CEP63: variants seen among roughly 807,000 people sequenced by gnomAD.
CEP63 encodes centrosomal protein of 63 kDa.
A neutral mutation model predicts 89.1 loss-of-function variants in CEP63; 84 were observed. That is an observed-to-expected ratio of 0.94 (90% CI 0.79 to 1.13). The LOEUF (loss-of-function observed/expected upper bound fraction) is 1.13, where lower values mean the gene tolerates loss of function less well. Among genes scored for constraint, CEP63 ranks in the 50% most tolerant of loss-of-function variants. The probability of loss-of-function intolerance (pLI) is 0.00; values close to 1 mark genes in which losing one functional copy is unlikely to be tolerated. For missense variants in CEP63, 838 were observed against 813.3 expected (o/e 1.03, Z -0.37); for synonymous variants, 267 against 272.5 (o/e 0.98, Z 0.20).
chr3:134,617,609 T>A, the CEP63 span, among the ~76,000 whole-genome samples: 3 of 152,260 alleles, frequency 2.0e-5, no homozygotes, highest in Non-Finnish European at 2.9e-5. Flanking sequence ...AATTTCTTTT[T>A]TGCTTTAGTG....
chr3:134,693,199 A>G, the CEP63 span, among the ~76,000 whole-genome samples: 2 of 152,172 alleles, frequency 1.3e-5, no homozygotes. Context: ...TGGGGCTCCT[A>G]GGGAAGCTCA....
chr3:134,660,112 A>G, the CEP63 span, among the ~76,000 whole-genome samples: 1 of 152,264 alleles, frequency 6.6e-6, no homozygotes, highest in African/African-American at 2.4e-5. Flanking sequence ...CTCTCTTTCC[A>G]TAATTCACAG....
the CEP63 span, among the ~76,000 whole-genome samples, chr3:134,752,528 C>T: frequency 1.1e-4 from 17 of 152,270 alleles, no homozygotes; most frequent in African/African-American, 3.9e-4. Context: ...GCCAACTCCT[C>T]CTGCAGGAAA....
the CEP63 span, among the ~76,000 whole-genome samples, chr3:134,667,990 C>T: frequency 1.3e-5 from 2 of 152,224 alleles, no homozygotes; most frequent in Non-Finnish European, 2.9e-5. Context: ...CAATGGAACA[C>T]TCACAGGTCT....
the CEP63 span, chr3:134,608,870 G>T: frequency 1.3e-6 from 2 of 1,583,746 alleles, no homozygotes; most frequent in Non-Finnish European, 1.7e-6. Context: ...TTAGCAGCCA[G>T]CTCCATGCAG....
chr3:134,694,514 G>A, the CEP63 span, among the ~76,000 whole-genome samples: 9 of 152,204 alleles, frequency 5.9e-5, no homozygotes, highest in South Asian at 2.1e-4. Context: ...GTTTGTCTGT[G>A]CCTGTTTGTC....
At chr3:134,604,458 C>G in the CEP63 span, 3 of 1,605,964 alleles carry the variant, frequency 1.9e-6, no homozygotes, top group Non-Finnish European at 2.6e-6. Context: ...CAATGGTGAC[C>G]GTGGCCTTCC....
At chr3:134,725,834 G>A in the CEP63 span, among the ~76,000 whole-genome samples, 1 of 152,166 alleles carries the variant, frequency 6.6e-6, no homozygotes, top group East Asian at 1.9e-4. Context: ...ACCCTGAACA[G>A]TGGTGGCCAA....
chr3:134,738,978 A>AC, the CEP63 span, among the ~76,000 whole-genome samples: 1 of 151,748 alleles, frequency 6.6e-6, no homozygotes, highest in Non-Finnish European at 1.5e-5. Context: ...AAAAAAAAAA[A>AC]AACCCAGATA....
the CEP63 span, chr3:134,643,281 G>C: frequency 6.2e-7 from 1 of 1,604,892 alleles, no homozygotes; most frequent in Non-Finnish European, 8.5e-7. Context: ...GCACACCTCT[G>C]CAGGGGAGGT....
chr3:134,776,671 A>G, the CEP63 span, among the ~76,000 whole-genome samples: 1 of 152,192 alleles, frequency 6.6e-6, no homozygotes, highest in Admixed American at 6.5e-5. Context: ...CTGAGCCTGA[A>G]GTCATGATGA....
At chr3:134,629,407 T>C in the CEP63 span, 12 of 547,640 alleles carry the variant, frequency 2.2e-5, no homozygotes, top group East Asian at 5.7e-5. Flanking sequence ...GTGTTACCTA[T>C]GACTAGTTCC....
At chr3:134,590,204 A>G (rs1560083815), downstream of CEP63, among the ~76,000 whole-genome samples, 1 of 152,184 alleles carries the variant, frequency 6.6e-6, no homozygotes, top group African/African-American at 2.4e-5. Flanking sequence ...ATTTACCTAC[A>G]TAAAAAACCT....
At chr3:134,612,017 A>C in the CEP63 span, among the ~76,000 whole-genome samples, 1 of 152,242 alleles carries the variant, frequency 6.6e-6, no homozygotes, top group Non-Finnish European at 1.5e-5. Context: ...CCCAGCCATC[A>C]GTGTTTCTTC....
intron 6 of CEP63, among the ~76,000 whole-genome samples, chr3:134,545,149 G>A (rs7372770): frequency 0.63 from 96,175 of 151,712 alleles, 31,198 homozygotes; most frequent in East Asian, 0.81. Context: ...ACAGGCACGC[G>A]CCACCACGCC....
At chr3:134,546,450 C>T (rs548108649) in intron 8 of CEP63, among the ~76,000 whole-genome samples, 162 bp downstream of exon 8, 5 of 152,270 alleles carry the variant, frequency 3.3e-5, no homozygotes, top group South Asian at 2.1e-4. Flanking sequence ...CCTCAACCTC[C>T]GAGGTTCAAG....
the CEP63 span, chr3:134,625,202 T>C: frequency 1.6e-6 from 2 of 1,279,152 alleles, no homozygotes; most frequent in Non-Finnish European, 2.2e-6. Flanking sequence ...GCCTAGGCCT[T>C]GCTGTCTCTT....
the CEP63 span, chr3:134,625,089 C>T: frequency 9.3e-5 from 149 of 1,602,676 alleles, no homozygotes; most frequent in Non-Finnish European, 1.1e-4. Flanking sequence ...CAAACTGCTG[C>T]AGGTCCAGGG....
the CEP63 span, chr3:134,650,926 A>G: frequency 6.2e-7 from 1 of 1,613,314 alleles, no homozygotes; most frequent in Non-Finnish European, 8.5e-7. Context: ...CAGCATGTCG[A>G]TAGATACAGC....
Sources: gnomAD v4.1 joint callset for allele counts (sites outside exome capture counted in the v4.1 genomes callset) on GRCh38, gnomAD v4.1.1 for gene constraint, MANE v1.5 for transcripts, NCBI Gene and HGNC (gene_info 2026-07-23, HGNC 2026-07-21) for gene names.